Variants in DCUN1D4 observed in about 807,000 individuals in gnomAD.
DCUN1D4 encodes the protein DCN1-like protein 4.
A neutral mutation model predicts 47.9 loss-of-function variants in DCUN1D4; 22 were observed. That is an observed-to-expected ratio of 0.46 (90% CI 0.33 to 0.66). The LOEUF (loss-of-function observed/expected upper bound fraction) is 0.66, where lower values mean the gene tolerates loss of function less well. DCUN1D4 is among the 30% of genes least tolerant of loss of function. The pLI is 0.02. For synonymous variants in DCUN1D4, 121 were observed against 112.2 expected, an observed-to-expected ratio of 1.08 and a Z score of -0.50; for missense variants, 301 against 340.8, an observed-to-expected ratio of 0.88 and a Z score of 0.92.
intron 3 of DCUN1D4, among the ~76,000 whole-genome samples, chr4:51,873,645 T>C (rs540325787): frequency 2.7e-4 from 41 of 152,384 alleles, no homozygotes; most frequent in African/African-American, 9.1e-4. Flanking sequence ...TTATCTGTTA[T>C]TACATTTTGG....
At chr4:51,912,960 T>C (rs1265947919) in intron 9 of DCUN1D4, among the ~76,000 whole-genome samples, 2 of 152,216 alleles carry the variant, frequency 1.3e-5, no homozygotes, top group African/African-American at 4.8e-5. Flanking sequence ...TTAATTCTTA[T>C]AATATCTTTA....
chr4:51,845,380 G>GTA (rs1553915217), intron 1 of DCUN1D4: 1 of 668,556 alleles, frequency 1.5e-6, no homozygotes, highest in East Asian at 1.4e-4. Flanking sequence ...GTGAGCAAAG[G>GTA]TAATATGTGA....
rs996232617 is a variant in DCUN1D4, at chr4:51,915,783, A to G, written c.*2199A>G. 2.0e-5 allele frequency: 3 copies of G among 152,586 alleles called. No individual in the cohort carries two copies. The highest frequency in any genetic ancestry group is 7.2e-5 in the African/African-American group (3 of 41,442). The allele number at this position is 152,586 out of a possible 1,614,324, so 9.5% of individuals were successfully genotyped here. ...GAGGGAGATGTTACAGTTAATCCAC[A>G]ATCAACATTTTGATGGTAGGGAAAA... On this transcript the variant is annotated 3_prime_UTR_variant, in exon 11 of 11. Coordinates refer to ENST00000334635, the MANE Select transcript of DCUN1D4 (RefSeq NM_001040402.3).
Position 51,866,806 on chromosome 4 carries a change from A to T in DCUN1D4, c.136+3097A>T, listed in dbSNP as rs539599328. Among the ~76,000 whole-genome samples the T allele has an allele frequency of 3.3e-5, 5 of 152,314 alleles. No homozygotes were observed. The East Asian group carries it at 9.6e-4, about 29-fold the overall frequency. On this transcript the variant is annotated intron_variant, in intron 3 of 10. Coordinates refer to ENST00000334635, the MANE Select transcript of DCUN1D4 (RefSeq NM_001040402.3). ...TCCACTTTTGCCTTGGTTACAGTGG[A>T]TACGTCCAATACTGGGAGTACTTTT...
upstream of DCUN1D4, among the ~76,000 whole-genome samples, chr4:51,842,646 G>C (rs1430870545): frequency 6.6e-6 from 1 of 152,244 alleles, no homozygotes; most frequent in Admixed American, 6.5e-5. Context: ...CAAGTGGCGG[G>C]AGACCCGGCC....
chr4:51,909,680 CA>C (rs1733414756), intron 8 of DCUN1D4, among the ~76,000 whole-genome samples: 1 of 152,186 alleles, frequency 6.6e-6, no homozygotes, highest in African/African-American at 2.4e-5. Context: ...CACCTGTTTG[CA>C]TAGAACTGTG....
At chr4:51,838,020 A>C (rs1016773039), upstream of DCUN1D4, among the ~76,000 whole-genome samples, 1 of 152,164 alleles carries the variant, frequency 6.6e-6, no homozygotes, top group South Asian at 2.1e-4. Flanking sequence ...TCTACTAAAA[A>C]TACAAAATTA....
intron 5 of DCUN1D4, among the ~76,000 whole-genome samples, chr4:51,879,286 T>C (rs1728161234): frequency 6.6e-6 from 1 of 152,212 alleles, no homozygotes; most frequent in African/African-American, 2.4e-5. Flanking sequence ...AACCTGAATC[T>C]CTTGGAAACC....
chr4:51,841,053 C>G (rs184485879), upstream of DCUN1D4, among the ~76,000 whole-genome samples: 1 of 152,084 alleles, frequency 6.6e-6, no homozygotes, highest in Non-Finnish European at 1.5e-5. Flanking sequence ...GCAAAGCAGC[C>G]GACCCATCCT....
intron 7 of DCUN1D4, among the ~76,000 whole-genome samples, chr4:51,898,775 T>A (rs1308069557): frequency 1.3e-5 from 2 of 152,228 alleles, no homozygotes; most frequent in Non-Finnish European, 2.9e-5. Flanking sequence ...CAGAGAACTC[T>A]TCTAGAGACT....
At chr4:51,913,218 A>T in intron 9 of DCUN1D4, 72 bp from the exon 10 acceptor site, 2 of 946,986 alleles carry the variant, frequency 2.1e-6, no homozygotes, top group East Asian at 5.4e-5. Flanking sequence ...AAGTTGATTC[A>T]TAAAGCAATT....
At chr4:51,861,165 A>C (rs1724995661) in intron 1 of DCUN1D4, among the ~76,000 whole-genome samples, 1 of 152,204 alleles carries the variant, frequency 6.6e-6, no homozygotes, top group African/African-American at 2.4e-5. Context: ...TACAGATGAG[A>C]AAATTGGTAG....
rs1725452729 is a variant in DCUN1D4 at position 51,863,706 on chromosome 4, A to G, written c.133A>G (p.Thr45Ala). 6.2e-7 allele frequency: 1 copy of G among 1,613,044 alleles called. No homozygotes were observed. The highest frequency in any genetic ancestry group is 1.1e-5 in the South Asian group (1 of 90,724). The change falls in exon 3 of 11, where the codon ACA (threonine) becomes GCA (alanine). Residue 45 changes from threonine to alanine, a missense_variant. Transcript: ENST00000334635. ...AGACATTGGCCAAGACGATCACCAA[A>G]CAGGTATCTGTAAATGCTAACACTA... ...TEDIGQDDHQTGSLRSCSSSD... is the reference protein window; with the variant it reads ...TEDIGQDDHQAGSLRSCSSSD...
In DCUN1D4 at chr4:51,855,414, T is replaced by G. The variant is rs533078851; in HGVS notation, c.26-8023T>G. The stretch of plus-strand genomic sequence containing the variant: ...CAAAGCTTTTAATATCAGGAAGTGG[T>G]AAGTGCTATGAAAAAAATCTAAATC... On this transcript the variant is annotated intron_variant, in intron 1 of 10. Transcript: ENST00000334635. Among the ~76,000 whole-genome samples, 8 of 152,294 alleles carry G rather than the reference T, an allele frequency of 5.3e-5. No homozygotes were observed. In the South Asian group the frequency reaches 1.7e-3, roughly 32 times the overall value.
rs751084730 is a variant in DCUN1D4, at chr4:51,911,193, A to T, written c.720+19A>T. 4 of 1,589,024 alleles carry T rather than the reference A, an allele frequency of 2.5e-6. No homozygotes were observed. The East Asian group carries it at 9.0e-5, about 36-fold the overall frequency. On this transcript the variant is annotated intron_variant, in intron 9 of 10. Coordinates refer to ENST00000334635, the MANE Select transcript of DCUN1D4 (RefSeq NM_001040402.3). ...CTTAGAGGTACCAAATTGTTGTTTT[A>T]TGAAATGTATGTTTGCTTGCTTGGA...
At chr4:51,843,355 G>C (rs1000797847) in intron 1 of DCUN1D4, 88 bp downstream of exon 1, 1 of 1,428,184 alleles carries the variant, frequency 7.0e-7, no homozygotes, top group South Asian at 1.4e-5. Flanking sequence ...CCCACGCCTC[G>C]GGTCCCGAAA....
chr4:51,879,715 T>G (rs886724028), intron 5 of DCUN1D4, among the ~76,000 whole-genome samples: 3 of 152,230 alleles, frequency 2.0e-5, no homozygotes, highest in Non-Finnish European at 4.4e-5. Flanking sequence ...ATCTCTTGCT[T>G]TCCTATATTG....
At chr4:51,850,594 C>A (rs922466301) in intron 1 of DCUN1D4, among the ~76,000 whole-genome samples, 1 of 152,184 alleles carries the variant, frequency 6.6e-6, no homozygotes, top group Non-Finnish European at 1.5e-5. Context: ...TATTGGGTAT[C>A]TACTATGTAC....
intron 4 of DCUN1D4, among the ~76,000 whole-genome samples, 179 bp downstream of exon 4, chr4:51,874,564 TA>T (rs1212499715): frequency 1.3e-5 from 2 of 152,238 alleles, no homozygotes; most frequent in Non-Finnish European, 2.9e-5. Flanking sequence ...TTTAAAAACG[TA>T]AGAACAAATT....
Sources: gnomAD v4.1 joint callset for allele counts (sites outside exome capture counted in the v4.1 genomes callset) on GRCh38, gnomAD v4.1.1 for gene constraint, MANE v1.5 for transcripts, NCBI Gene and HGNC (gene_info 2026-07-23, HGNC 2026-07-21) for gene names.